STK32A: variants seen among roughly 807,000 people sequenced by gnomAD.
STK32A encodes the protein serine/threonine kinase 32A.
STK32A carries 41 observed loss-of-function variants against 53.2 expected under a neutral mutation model. The ratio of observed to expected loss-of-function variants is 0.77; its 90% CI spans 0.60 to 1.00. The LOEUF (loss-of-function observed/expected upper bound fraction) is 1.00. Ranked by LOEUF, STK32A falls within the 50% of genes least tolerant of loss-of-function variation. The probability of loss-of-function intolerance (pLI) is 0.00; values close to 1 mark genes in which losing one functional copy is unlikely to be tolerated. For synonymous variants in STK32A, 166 were observed against 162.8 expected (o/e 1.02, Z -0.15); for missense variants, 458 against 485.8 (o/e 0.94, Z 0.54).
At chr5:147,334,659 G>C (rs1362406174) in intron 5 of STK32A, among the ~76,000 whole-genome samples, 1 of 152,148 alleles carries the variant, frequency 6.6e-6, no homozygotes, top group Non-Finnish European at 1.5e-5. Flanking sequence ...GCTTAGCCTG[G>C]TTTCTCAAAT....
At chr5:147,331,984 TTC>T (rs1488615720) in intron 5 of STK32A, among the ~76,000 whole-genome samples, 1 of 152,192 alleles carries the variant, frequency 6.6e-6, no homozygotes, top group Non-Finnish European at 1.5e-5. Flanking sequence ...GAAAATTAAT[TTC>T]TGTGTTCTTC....
At chr5:147,241,463 A>C (rs887555716) in intron 2 of STK32A, among the ~76,000 whole-genome samples, 1 of 151,140 alleles carries the variant, frequency 6.6e-6, no homozygotes, top group Non-Finnish European at 1.5e-5. Context: ...TGGGCGACAG[A>C]GCGAGACTCC....
rs190676393 is a variant in STK32A at position 147,324,269 on chromosome 5, T to C, written c.434+198T>C. Among the ~76,000 whole-genome samples, 15 of 152,288 alleles carry C rather than the reference T, an allele frequency of 9.8e-5. No individual in the cohort carries two copies. The East Asian group carries it at 2.5e-3, about 25-fold the overall frequency. ...CACATAGAGCTTAATTTGCCAAAGG[T>C]CACAGTAAACAACAAGATCACAATC... On this transcript the variant is annotated intron_variant, in intron 5 of 12. Coordinates refer to ENST00000397936, the MANE Select transcript of STK32A (RefSeq NM_001112724.2).
chr5:147,355,786 G>GTATATATATATATATATATATATATA (rs1421118282), intron 7 of STK32A, among the ~76,000 whole-genome samples: 1 of 128,284 alleles, frequency 7.8e-6, no homozygotes, highest in African/African-American at 3.5e-5. Context: ...GTGTGAGTGT[G>GTATATATATATATATATATATATATA]TGTGTGTATA....
intron 2 of STK32A, among the ~76,000 whole-genome samples, chr5:147,262,777 A>G (rs1270236331): frequency 6.6e-6 from 1 of 152,148 alleles, no homozygotes; most frequent in Non-Finnish European, 1.5e-5. Context: ...GAAACTGGAA[A>G]GGAGACAGAG....
In STK32A at chr5:147,384,579, AGCTG is replaced by A; in HGVS notation, c.*599_*602del. 5 of 617,136 alleles carry A rather than the reference AGCTG, an allele frequency of 8.1e-6. No homozygotes were observed. The highest frequency in any genetic ancestry group is 2.6e-4 in the Middle Eastern group (1 of 3,844). 38.2% of individuals were successfully genotyped at this position (617,136 alleles called of 1,614,324 possible). ...AATCAGCATTAGATCCGCTTATCTCAGCTGGCAGGAGCCTGCTGTGCACACCACT... is the reference window on the plus strand; with the variant it reads ...AATCAGCATTAGATCCGCTTATCTCAGCAGGAGCCTGCTGTGCACACCACT... On this transcript the variant is annotated 3_prime_UTR_variant, in exon 13 of 13. Transcript: ENST00000397936.
Position 147,235,127 on chromosome 5 carries a change from C to CTTAG in STK32A, c.-167_-164dup, listed in dbSNP as rs1753255966. On this transcript the variant is annotated 5_prime_UTR_variant, in exon 1 of 13. Coordinates refer to ENST00000397936, the MANE Select transcript of STK32A (RefSeq NM_001112724.2). Reference sequence around the variant, plus strand: ...TGCTCCTTGCTCTTGGAGTTCTTCTCTTAGTCCCTGTTCCCTGGATGAAAG... The same window carrying CTTAG: ...TGCTCCTTGCTCTTGGAGTTCTTCTCTTAGTTAGTCCCTGTTCCCTGGATGAAAG... 6.5e-6 allele frequency: 1 copy of CTTAG among 152,922 alleles called. No homozygotes were observed. The highest frequency in any genetic ancestry group is 6.5e-5 in the Admixed American group (1 of 15,288). 9.5% of individuals were successfully genotyped at this position (152,922 alleles called of 1,614,324 possible).
At chr5:147,400,490 T>G in the STK32A span, among the ~76,000 whole-genome samples, 1 of 152,232 alleles carries the variant, frequency 6.6e-6, no homozygotes, top group African/African-American at 2.4e-5. Context: ...GAAGCCTCCT[T>G]CAGAATGCTA....
chr5:147,382,300 T>C (rs1757482673), intron 11 of STK32A, among the ~76,000 whole-genome samples: 1 of 152,186 alleles, frequency 6.6e-6, no homozygotes, highest in African/African-American at 2.4e-5. Context: ...GTTTTCTATA[T>C]TTTTATTAAT....
chr5:147,400,055 GT>G, the STK32A span, among the ~76,000 whole-genome samples: 2 of 152,162 alleles, frequency 1.3e-5, no homozygotes, highest in African/African-American at 4.8e-5. Flanking sequence ...TGATAAGAAT[GT>G]TTTTAGGATT....
chr5:147,382,329 C>A (rs1757484740), intron 11 of STK32A, among the ~76,000 whole-genome samples: 1 of 151,974 alleles, frequency 6.6e-6, no homozygotes, highest in Non-Finnish European at 1.5e-5. Flanking sequence ...TTTGTTTGCA[C>A]ATCATTTTCT....
At chr5:147,328,730 T>C (rs1304786014) in intron 5 of STK32A, among the ~76,000 whole-genome samples, 2 of 152,326 alleles carry the variant, frequency 1.3e-5, no homozygotes, top group African/African-American at 4.8e-5. Flanking sequence ...CAATCTCTTC[T>C]ACAGGGTTAG....
intron 4 of STK32A, among the ~76,000 whole-genome samples, chr5:147,318,263 T>C (rs1291165367): frequency 6.6e-6 from 1 of 152,140 alleles, no homozygotes; most frequent in African/African-American, 2.4e-5. Context: ...TTTGTAGCCA[T>C]TGAAATGCAA....
chr5:147,259,854 TCTCC>T (rs1366381444), intron 2 of STK32A, among the ~76,000 whole-genome samples: 1 of 143,002 alleles, frequency 7.0e-6, no homozygotes, highest in African/African-American at 2.6e-5. Flanking sequence ...CTCTCTCCTC[TCTCC>T]CTCTCTTCTG....
chr5:147,321,752 C>T (rs932746013), intron 4 of STK32A, among the ~76,000 whole-genome samples: 1 of 152,220 alleles, frequency 6.6e-6, no homozygotes, highest in African/African-American at 2.4e-5. Context: ...TTCTGAACTA[C>T]ACCTGGCAGC....
At chr5:147,274,743 T>C (rs1054590016) in intron 2 of STK32A, among the ~76,000 whole-genome samples, 1 of 152,178 alleles carries the variant, frequency 6.6e-6, no homozygotes, top group Admixed American at 6.6e-5. Context: ...ATAAACCTCA[T>C]GAAGTATATA....
chr5:147,386,316 G>A lies in STK32A; in HGVS notation c.*2333G>A, dbSNP rs1457429201. The stretch of plus-strand genomic sequence containing the variant: ...TTCTGCTGCAGTCTGGTAACCCCAC[G>A]AGTGTCAGGGACTACTTGCATGTTT... On this transcript the variant is annotated 3_prime_UTR_variant, in exon 13 of 13. Coordinates refer to ENST00000397936, the MANE Select transcript of STK32A (RefSeq NM_001112724.2). 4.6e-5 allele frequency: 7 copies of A among 152,198 alleles called. No homozygotes were observed. The highest frequency in any genetic ancestry group is 7.2e-5 in the African/African-American group (3 of 41,450). The allele number at this position is 152,198 out of a possible 1,614,324, so 9.4% of individuals were successfully genotyped here. A position where few individuals can be genotyped will look rare whatever the true frequency, so the allele number is the denominator to read the frequency against.
chr5:147,288,391 C>G (rs527439416), intron 4 of STK32A, among the ~76,000 whole-genome samples: 1 of 152,308 alleles, frequency 6.6e-6, no homozygotes, highest in Admixed American at 6.5e-5. Flanking sequence ...TATAAACCAT[C>G]TTGCAGTGCT....
At chr5:147,278,947 GTTATTGGAATAT>G (rs1214397463) in intron 3 of STK32A, among the ~76,000 whole-genome samples, 1 of 152,060 alleles carries the variant, frequency 6.6e-6, no homozygotes, top group Non-Finnish European at 1.5e-5. Context: ...GATGTTACTT[GTTATTGGAATAT>G]TCCTGACATG....
Sources: gnomAD v4.1 joint callset for allele counts (sites outside exome capture counted in the v4.1 genomes callset) on GRCh38, gnomAD v4.1.1 for gene constraint, MANE v1.5 for transcripts, NCBI Gene and HGNC (gene_info 2026-07-23, HGNC 2026-07-21) for gene names.